Variants in GAREM1 observed in about 807,000 individuals in gnomAD.
GAREM1 encodes GRB2-associated and regulator of MAPK protein 1.
Under a neutral mutation model 71.3 loss-of-function variants are expected in GAREM1, and 26 were observed. The observed-to-expected ratio is 0.36, with a 90% CI of 0.27 to 0.51. GAREM1 has a LOEUF of 0.51. GAREM1 is among the 20% of genes least tolerant of loss of function. The probability of loss-of-function intolerance (pLI) is 0.95; values close to 1 mark genes in which losing one functional copy is unlikely to be tolerated. For missense variants in GAREM1, 1,026 were observed against 1,103.1 expected (o/e 0.93, Z 0.99); for synonymous variants, 440 against 433.2 (o/e 1.02, Z -0.20).
At chr18:32,409,898 C>T (rs1243600687) in intron 1 of GAREM1, among the ~76,000 whole-genome samples, 1 of 152,142 alleles carries the variant, frequency 6.6e-6, no homozygotes, top group Non-Finnish European at 1.5e-5. Flanking sequence ...TTCAGGCAGG[C>T]AGGTGAGAGA....
At chr18:32,290,642 G>GAAAAAAAAAAAAAAAAAAAAA (rs586596) in intron 3 of GAREM1, among the ~76,000 whole-genome samples, 1 of 75,600 alleles carries the variant, frequency 1.3e-5, no homozygotes, top group African/African-American at 4.2e-5. Context: ...CAGACTGTCT[G>GAAAAAAAAAAAAAAAAAAAAA]AAAAAAAAAA....
chr18:32,327,647 A>T (rs940151674), intron 2 of GAREM1, among the ~76,000 whole-genome samples: 1 of 152,248 alleles, frequency 6.6e-6, no homozygotes, highest in Non-Finnish European at 1.5e-5. Context: ...TGGATATTAA[A>T]TACATGAAGT....
intron 4 of GAREM1, among the ~76,000 whole-genome samples, chr18:32,270,930 C>G (rs2041453399): frequency 9.1e-6 from 1 of 110,196 alleles, no homozygotes; most frequent in Non-Finnish European, 1.7e-5. Flanking sequence ...GAGATGGAGT[C>G]TCACTCTGTC....
chr18:32,442,160 AT>A (rs1302064668), intron 1 of GAREM1, among the ~76,000 whole-genome samples: 1 of 152,188 alleles, frequency 6.6e-6, no homozygotes, highest in Non-Finnish European at 1.5e-5. Flanking sequence ...TAAGTAAACT[AT>A]TTTATGGCTT....
intron 3 of GAREM1, among the ~76,000 whole-genome samples, chr18:32,292,768 T>G (rs933177686): frequency 1.3e-5 from 2 of 152,218 alleles, no homozygotes; most frequent in Non-Finnish European, 2.9e-5. Flanking sequence ...TCTGTTTGCT[T>G]TATAAATTAC....
chr18:32,444,219 T>C (rs2048766876), intron 1 of GAREM1, among the ~76,000 whole-genome samples: 1 of 152,236 alleles, frequency 6.6e-6, no homozygotes, highest in Non-Finnish European at 1.5e-5. Context: ...CTGAATATAC[T>C]GAAAAACTGA....
chr18:32,369,037 C>T (rs931501004), intron 2 of GAREM1, among the ~76,000 whole-genome samples: 3 of 152,142 alleles, frequency 2.0e-5, no homozygotes, highest in African/African-American at 7.2e-5. Context: ...TCTGAACTGT[C>T]GTGGCATACA....
chr18:32,275,723 G>C (rs890919878), intron 4 of GAREM1, among the ~76,000 whole-genome samples: 2 of 152,112 alleles, frequency 1.3e-5, no homozygotes. Flanking sequence ...TTGTTGCCCA[G>C]GCTGGAGTGC....
chr18:32,426,168 G>T (rs1020289213), intron 1 of GAREM1, among the ~76,000 whole-genome samples: 1 of 151,992 alleles, frequency 6.6e-6, no homozygotes, highest in Non-Finnish European at 1.5e-5. Context: ...ACAAGCACAC[G>T]CCACCACGCC....
chr18:32,364,027 T>TATATATG (rs1567980849), intron 2 of GAREM1, among the ~76,000 whole-genome samples: 1 of 66,574 alleles, frequency 1.5e-5, no homozygotes, highest in Non-Finnish European at 2.6e-5. Flanking sequence ...TATATATATA[T>TATATATG]GTTTTTTTTT....
chr18:32,393,982 G>T (rs2048227519), intron 1 of GAREM1, among the ~76,000 whole-genome samples: 1 of 152,178 alleles, frequency 6.6e-6, no homozygotes, highest in East Asian at 1.9e-4. Context: ...TTTTGAAATG[G>T]CATTTTAGAT....
At chr18:32,322,492 G>A (rs896614258) in intron 2 of GAREM1, among the ~76,000 whole-genome samples, 4 of 148,492 alleles carry the variant, frequency 2.7e-5, no homozygotes, top group African/African-American at 1.0e-4. Context: ...TAAAGATTGG[G>A]GTCAGTTACA....
intron 2 of GAREM1, among the ~76,000 whole-genome samples, chr18:32,370,549 C>T (rs1471278557): frequency 6.6e-6 from 1 of 152,012 alleles, no homozygotes; most frequent in Non-Finnish European, 1.5e-5. Flanking sequence ...CTTTGGTTCC[C>T]AATTTTCTCA....
intron 1 of GAREM1, among the ~76,000 whole-genome samples, chr18:32,437,279 C>T (rs2048689409): frequency 6.6e-6 from 1 of 152,196 alleles, no homozygotes; most frequent in South Asian, 2.1e-4. Context: ...CTTTCTCCTG[C>T]TGTTCTCTTT....
chr18:32,396,445 G>A (rs2048256829), intron 1 of GAREM1, among the ~76,000 whole-genome samples: 1 of 152,186 alleles, frequency 6.6e-6, no homozygotes, highest in Admixed American at 6.5e-5. Context: ...AATAACCAGT[G>A]TAGAGAAGTC....
intron 2 of GAREM1, among the ~76,000 whole-genome samples, chr18:32,327,936 C>A (rs1391814150): frequency 6.6e-6 from 1 of 152,028 alleles, no homozygotes; most frequent in East Asian, 1.9e-4. Context: ...AGGTACAATG[C>A]TCAACAAAGG....
intron 2 of GAREM1, among the ~76,000 whole-genome samples, chr18:32,332,869 A>C (rs966236622): frequency 4.6e-5 from 7 of 152,160 alleles, no homozygotes; most frequent in African/African-American, 1.7e-4. Context: ...CTTTCCTGAA[A>C]ACGATGGCAT....
intron 3 of GAREM1, among the ~76,000 whole-genome samples, chr18:32,298,452 T>G (rs570030607): frequency 6.6e-6 from 1 of 152,268 alleles, no homozygotes; most frequent in South Asian, 2.1e-4. Flanking sequence ...TGCTTCCGTA[T>G]GTGTGTCTGG....
intron 2 of GAREM1, among the ~76,000 whole-genome samples, chr18:32,363,779 T>G (rs1277678696): frequency 1.3e-5 from 2 of 151,544 alleles, no homozygotes; most frequent in Non-Finnish European, 2.9e-5. Context: ...AAAGGTTATT[T>G]TGAAGAGGCT....
Sources: allele counts gnomAD v4.1 joint callset (sites outside exome capture counted in the v4.1 genomes callset), GRCh38; gene constraint gnomAD v4.1.1; transcripts MANE v1.5; gene names NCBI Gene and HGNC (gene_info 2026-07-23, HGNC 2026-07-21).